The following RYR2 variants were observed in gnomAD, a reference collection of about 807,000 sequenced individuals.
RYR2 encodes cardiac muscle ryanodine receptor-calcium release channel.
In RYR2, 227 loss-of-function variants were observed where a neutral mutation model predicts 601.1. That is an observed-to-expected ratio of 0.38 (90% CI 0.34 to 0.42). The LOEUF (loss-of-function observed/expected upper bound fraction) is 0.42. Ranked by LOEUF, RYR2 falls within the 10% of genes least tolerant of loss-of-function variation. RYR2 has a pLI of 1.00. For missense variants in RYR2, 4,646 were observed against 6,156.5 expected, an observed-to-expected ratio of 0.75 and a Z score of 8.21; for synonymous variants, 2,223 against 2,175.1, an observed-to-expected ratio of 1.02 and a Z score of -0.61.
chr1:237,424,845 T>C (rs1278228813), intron 12 of RYR2, among the ~76,000 whole-genome samples: 1 of 152,190 alleles, frequency 6.6e-6, no homozygotes, highest in Admixed American at 6.5e-5. Context: ...ACTTTGAAGG[T>C]GTCCCACAGA....
chr1:237,501,086 C>CA (rs1664586359), intron 21 of RYR2, among the ~76,000 whole-genome samples, 183 bp downstream of exon 21: 1 of 151,816 alleles, frequency 6.6e-6, no homozygotes, highest in South Asian at 2.1e-4. Context: ...GGGCATCCTG[C>CA]AAGGCTGAAT....
intron 1 of RYR2, among the ~76,000 whole-genome samples, chr1:237,091,428 TGGGG>T (rs759781231): frequency 8.1e-6 from 1 of 123,460 alleles, no homozygotes; most frequent in African/African-American, 3.3e-5. Context: ...TTCTTTTTTT[TGGGG>T]GGGGCGGGGG....
At chr1:237,773,888 T>A (rs1356720523) in intron 87 of RYR2, among the ~76,000 whole-genome samples, 3 of 152,140 alleles carry the variant, frequency 2.0e-5, no homozygotes, top group Non-Finnish European at 4.4e-5. Context: ...CTATTGTACC[T>A]CCAGGGCCTG....
intron 1 of RYR2, among the ~76,000 whole-genome samples, chr1:237,084,915 G>A (rs1666142033): frequency 6.6e-6 from 1 of 152,216 alleles, no homozygotes; most frequent in Non-Finnish European, 1.5e-5. Context: ...GTCTCAGAGA[G>A]CCTGGAATAA....
intron 1 of RYR2, among the ~76,000 whole-genome samples, chr1:237,146,539 TC>T (rs1196344309): frequency 6.6e-6 from 1 of 152,210 alleles, no homozygotes; most frequent in African/African-American, 2.4e-5. Context: ...CAGGATGCGC[TC>T]CTTCTTATAG....
chr1:237,427,889 A>G (rs12122723), intron 12 of RYR2, among the ~76,000 whole-genome samples: 14,082 of 151,558 alleles, frequency 0.093, 946 homozygotes, highest in East Asian at 0.25. Flanking sequence ...AGGATATTGC[A>G]TGGTATTGAA....
chr1:237,439,212 G>A (rs1558819550), intron 12 of RYR2, among the ~76,000 whole-genome samples: 1 of 152,160 alleles, frequency 6.6e-6, no homozygotes, highest in Non-Finnish European at 1.5e-5. Context: ...TCCTAAGCCT[G>A]AGCTACAGAA....
chr1:237,629,703 C>G (rs982578725), intron 41 of RYR2, among the ~76,000 whole-genome samples: 1 of 152,010 alleles, frequency 6.6e-6, no homozygotes, highest in Non-Finnish European at 1.5e-5. Context: ...CCAAGTTTTT[C>G]TTTGACAGAA....
At chr1:237,804,514 C>T (rs1467394840) in intron 98 of RYR2, among the ~76,000 whole-genome samples, 1 of 152,020 alleles carries the variant, frequency 6.6e-6, no homozygotes, top group Non-Finnish European at 1.5e-5. Context: ...CAAAACATTC[C>T]TTATGGAGCA....
At chr1:237,501,867 G>A (rs1051927160) in intron 21 of RYR2, among the ~76,000 whole-genome samples, 16 of 152,262 alleles carry the variant, frequency 1.1e-4, no homozygotes, top group African/African-American at 3.4e-4. Context: ...ATGGACAGGT[G>A]CAGTAGTTTG....
chr1:237,364,009 GT>G (rs1001186920), intron 4 of RYR2, among the ~76,000 whole-genome samples: 8 of 152,086 alleles, frequency 5.3e-5, no homozygotes, highest in Admixed American at 2.6e-4. Flanking sequence ...ATGCAAGTTG[GT>G]TTTTTAAAAA....
chr1:237,359,000 T>G (rs1020837859), intron 4 of RYR2, among the ~76,000 whole-genome samples: 1 of 152,112 alleles, frequency 6.6e-6, no homozygotes, highest in Non-Finnish European at 1.5e-5. Flanking sequence ...CATCCCTGCT[T>G]AGGTGGCATA....
At chr1:237,161,616 A>G (rs1037053858) in intron 1 of RYR2, among the ~76,000 whole-genome samples, 1 of 152,192 alleles carries the variant, frequency 6.6e-6, no homozygotes, top group Non-Finnish European at 1.5e-5. Context: ...TTCCATGCAT[A>G]CTAGAAGACA....
intron 1 of RYR2, among the ~76,000 whole-genome samples, chr1:237,252,941 G>A (rs1687603079): frequency 6.6e-6 from 1 of 152,072 alleles, no homozygotes; most frequent in South Asian, 2.1e-4. Context: ...AAGGTGGGTG[G>A]ATCCTTTGAG....
At chr1:237,217,328 C>CT (rs201492398) in intron 1 of RYR2, among the ~76,000 whole-genome samples, 44,567 of 146,296 alleles carry the variant, frequency 0.3, 7,483 homozygotes, top group East Asian at 0.4. Context: ...AATTAAAACA[C>CT]TTTTTTTTTT....
chr1:237,061,211 TTCTA>T (rs55747600), intron 1 of RYR2, among the ~76,000 whole-genome samples: 2,157 of 104,304 alleles, frequency 0.021, 113 homozygotes, highest in East Asian at 0.056. Flanking sequence ...AATACGGTTG[TTCTA>T]TCTATCTATC....
chr1:237,792,376 T>G (rs147492394), intron 94 of RYR2, 53 bp downstream of exon 94: 1 of 771,592 alleles, frequency 1.3e-6, no homozygotes, highest in African/African-American at 3.0e-5. Context: ...TGTGTGTGTG[T>G]GTGTGCGTGT....
intron 1 of RYR2, among the ~76,000 whole-genome samples, chr1:237,064,099 C>T (rs1316859817): frequency 6.6e-6 from 1 of 152,176 alleles, no homozygotes; most frequent in Non-Finnish European, 1.5e-5. Context: ...CTCTCTCTCC[C>T]TTCTTTTTGG....
intron 72 of RYR2, 130 bp from the exon 73 acceptor site, chr1:237,718,332 G>A: frequency 2.0e-6 from 1 of 494,732 alleles, no homozygotes; most frequent in East Asian, 3.2e-5. Context: ...CCCCAAATTT[G>A]TAGCATGTAA....
Sources: allele counts gnomAD v4.1 joint callset (sites outside exome capture counted in the v4.1 genomes callset), GRCh38; gene constraint gnomAD v4.1.1; transcripts MANE v1.5; gene names NCBI Gene and HGNC (gene_info 2026-07-23, HGNC 2026-07-21).